The following SH3RF3 variants were observed in gnomAD, a reference collection of about 807,000 sequenced individuals.
SH3RF3 encodes the protein E3 ubiquitin-protein ligase SH3RF3.
A neutral mutation model predicts 66.3 loss-of-function variants in SH3RF3; 29 were observed. The ratio of observed to expected loss-of-function variants is 0.44; its 90% CI spans 0.33 to 0.60. The LOEUF (loss-of-function observed/expected upper bound fraction) is 0.60, where lower values mean the gene tolerates loss of function less well. SH3RF3 is among the 20% of genes least tolerant of loss of function. The pLI is 0.04. For missense variants in SH3RF3, 1,194 were observed against 1,190.9 expected (o/e 1.00, Z -0.04); for synonymous variants, 583 against 532.0 (o/e 1.10, Z -1.32).
At chr2:109,367,015 A>G (rs1300081334) in intron 2 of SH3RF3, among the ~76,000 whole-genome samples, 1 of 151,896 alleles carries the variant, frequency 6.6e-6, no homozygotes, top group Non-Finnish European at 1.5e-5. Context: ...GTGGAGTGGC[A>G]TGATCTTGGT....
intron 1 of SH3RF3, among the ~76,000 whole-genome samples, chr2:109,287,717 C>A (rs920571398): frequency 6.6e-6 from 1 of 152,110 alleles, no homozygotes; most frequent in South Asian, 2.1e-4. Flanking sequence ...CATCAGAGGC[C>A]CTCTGCACAG....
chr2:109,261,943 A>G (rs565688789), intron 1 of SH3RF3, among the ~76,000 whole-genome samples: 16 of 152,054 alleles, frequency 1.1e-4, no homozygotes, highest in Admixed American at 8.5e-4. Flanking sequence ...TCTTTACTGG[A>G]TGTGTAGCAT....
intron 1 of SH3RF3, among the ~76,000 whole-genome samples, chr2:109,249,349 G>A (rs987497646): frequency 1.1e-4 from 16 of 152,140 alleles, no homozygotes; most frequent in Admixed American, 2.0e-4. Context: ...AAAAATCCCC[G>A]AGCAAGTTGG....
intron 1 of SH3RF3, among the ~76,000 whole-genome samples, chr2:109,136,418 G>A (rs1052316354): frequency 1.3e-5 from 2 of 152,150 alleles, no homozygotes; most frequent in African/African-American, 4.8e-5. Context: ...AGGGTGTCGA[G>A]CTGAAGGTAT....
At chr2:109,496,334 C>T (rs1323364495) in intron 9 of SH3RF3, among the ~76,000 whole-genome samples, 1 of 152,080 alleles carries the variant, frequency 6.6e-6, no homozygotes, top group Admixed American at 6.6e-5. Flanking sequence ...TTTTACAATC[C>T]TCTTGCTAGC....
intron 1 of SH3RF3, among the ~76,000 whole-genome samples, chr2:109,213,910 G>C (rs2105119065): frequency 6.6e-6 from 1 of 152,336 alleles, no homozygotes; most frequent in Middle Eastern, 3.4e-3. Flanking sequence ...GGACACTGGT[G>C]TCAGAGTGTG....
intron 2 of SH3RF3, among the ~76,000 whole-genome samples, chr2:109,355,781 T>G (rs1682934860): frequency 6.6e-6 from 1 of 152,214 alleles, no homozygotes; most frequent in African/African-American, 2.4e-5. Context: ...TCTTGCCGTC[T>G]TCATATACAA....
chr2:109,461,726 A>G (rs1559096280), intron 8 of SH3RF3, among the ~76,000 whole-genome samples: 1 of 152,228 alleles, frequency 6.6e-6, no homozygotes, highest in Non-Finnish European at 1.5e-5. Context: ...GTCTGCCACA[A>G]TAGTGCCTCA....
At chr2:109,317,810 G>A (rs1443852528) in intron 1 of SH3RF3, among the ~76,000 whole-genome samples, 1 of 152,142 alleles carries the variant, frequency 6.6e-6, no homozygotes, top group Non-Finnish European at 1.5e-5. Context: ...TGTATCCTAG[G>A]ACTTTAAGAA....
chr2:109,435,613 T>C (rs1677377849), intron 6 of SH3RF3, among the ~76,000 whole-genome samples: 4 of 152,198 alleles, frequency 2.6e-5, no homozygotes, highest in Non-Finnish European at 5.9e-5. Flanking sequence ...GAAGTAGGAC[T>C]AGCCAAGGGT....
chr2:109,211,334 G>A (rs1218830446), intron 1 of SH3RF3, among the ~76,000 whole-genome samples: 1 of 152,208 alleles, frequency 6.6e-6, no homozygotes, highest in African/African-American at 2.4e-5. Flanking sequence ...TATTAATAAT[G>A]CTGGAGGCAA....
intron 1 of SH3RF3, among the ~76,000 whole-genome samples, chr2:109,266,113 G>A (rs748541392): frequency 1.3e-5 from 2 of 151,288 alleles, no homozygotes; most frequent in African/African-American, 2.4e-5. Context: ...TGTGTTGTGT[G>A]TATGTGTATT....
At chr2:109,143,628 C>T (rs1677018734) in intron 1 of SH3RF3, among the ~76,000 whole-genome samples, 2 of 151,990 alleles carry the variant, frequency 1.3e-5, no homozygotes, top group South Asian at 2.1e-4. Flanking sequence ...GTGGTGCATG[C>T]CTGTAGTCCT....
intron 1 of SH3RF3, among the ~76,000 whole-genome samples, chr2:109,331,353 C>G (rs527810897): frequency 6.6e-6 from 1 of 152,032 alleles, no homozygotes; most frequent in East Asian, 1.9e-4. Context: ...GTTTTCCTGC[C>G]TCCCTCCTCT....
chr2:109,199,602 T>TTAACC (rs1558953936), intron 1 of SH3RF3, among the ~76,000 whole-genome samples: 23 of 336 alleles, frequency 0.068, no homozygotes, highest in East Asian at 0.17. Context: ...TGGAATGGAA[T>TTAACC]GGAATGGAAT....
rs576232596 is a variant in SH3RF3 at position 109,470,156 on chromosome 2, T to G, written c.2149-20449T>G. ...GATTCCTTGTCCCTTCTGGGGTGGCTGGGGTGGCCCTGTCTCCTCACCAAA... is the reference window on the plus strand; with the variant it reads ...GATTCCTTGTCCCTTCTGGGGTGGCGGGGGTGGCCCTGTCTCCTCACCAAA... On this transcript the variant is annotated intron_variant, in intron 8 of 9. Coordinates refer to ENST00000309415, the MANE Select transcript of SH3RF3 (RefSeq NM_001099289.3). Among the ~76,000 whole-genome samples, 8 of 152,284 alleles carry G rather than the reference T, an allele frequency of 5.3e-5. 1 individual carries two copies. In the East Asian group the frequency reaches 1.5e-3, roughly 29 times the overall value.
chr2:109,256,875 C>A (rs564927890), intron 1 of SH3RF3, among the ~76,000 whole-genome samples: 5 of 152,150 alleles, frequency 3.3e-5, no homozygotes, highest in Admixed American at 6.5e-5. Flanking sequence ...GACTAACCAT[C>A]AGCCTCTACC....
At chr2:109,293,021 C>T (rs962243616) in intron 1 of SH3RF3, among the ~76,000 whole-genome samples, 5 of 152,166 alleles carry the variant, frequency 3.3e-5, no homozygotes, top group Non-Finnish European at 5.9e-5. Context: ...CGTGAGGCAC[C>T]GCACCCCAAT....
intron 2 of SH3RF3, among the ~76,000 whole-genome samples, chr2:109,351,505 C>T (rs1370508465): frequency 2.0e-5 from 3 of 152,242 alleles, no homozygotes; most frequent in Admixed American, 6.5e-5. Flanking sequence ...CTGCAAGATT[C>T]GGCAAGGGTT....
Sources: allele counts gnomAD v4.1 joint callset (sites outside exome capture counted in the v4.1 genomes callset), GRCh38; gene constraint gnomAD v4.1.1; transcripts MANE v1.5; gene names NCBI Gene and HGNC (gene_info 2026-07-23, HGNC 2026-07-21).